The following ASIC2 variants were observed in gnomAD, a reference collection of about 807,000 sequenced individuals.
ASIC2 encodes acid-sensing ion channel 2.
Under a neutral mutation model 57.3 loss-of-function variants are expected in ASIC2, and 25 were observed. That is an observed-to-expected ratio of 0.44 (90% confidence interval 0.32 to 0.61). The LOEUF (loss-of-function observed/expected upper bound fraction) is 0.61, where lower values mean the gene tolerates loss of function less well. ASIC2 is among the 20% of genes least tolerant of loss of function. The pLI is 0.06. For missense variants in ASIC2, 641 were observed against 738.1 expected (o/e 0.87, Z 1.52); for synonymous variants, 319 against 307.5 (o/e 1.04, Z -0.39).
intron 1 of ASIC2, among the ~76,000 whole-genome samples, chr17:33,174,240 G>A (rs762218128): frequency 6.6e-5 from 10 of 152,012 alleles, no homozygotes; most frequent in Non-Finnish European, 1.5e-4. Flanking sequence ...TGACCAACAT[G>A]GTAAAACCCT....
intron 1 of ASIC2, among the ~76,000 whole-genome samples, chr17:33,814,584 G>A (rs556701908): frequency 6.6e-6 from 1 of 152,376 alleles, no homozygotes; most frequent in African/African-American, 2.4e-5. Context: ...GCAGCACTGT[G>A]CTTCTACATT....
chr17:33,436,509 C>A (rs1911613324), intron 1 of ASIC2, among the ~76,000 whole-genome samples: 1 of 152,110 alleles, frequency 6.6e-6, no homozygotes, highest in Admixed American at 6.5e-5. Flanking sequence ...GGTCCTGTGG[C>A]CTCCACCCAG....
chr17:33,024,944 T>C (rs2091852725), intron 5 of ASIC2, among the ~76,000 whole-genome samples: 1 of 152,196 alleles, frequency 6.6e-6, no homozygotes, highest in African/African-American at 2.4e-5. Context: ...AAGACTTCCT[T>C]ACCATTTTAA....
chr17:33,203,541 G>T (rs1043852500), intron 1 of ASIC2, among the ~76,000 whole-genome samples: 1 of 152,158 alleles, frequency 6.6e-6, no homozygotes, highest in Non-Finnish European at 1.5e-5. Context: ...GAAGCGCTGA[G>T]GCTGGAGTAT....
intron 3 of ASIC2, among the ~76,000 whole-genome samples, chr17:33,062,756 G>T (rs1196794626): frequency 6.6e-6 from 1 of 152,198 alleles, no homozygotes; most frequent in African/African-American, 2.4e-5. Context: ...AATGTGGACA[G>T]TGGGGTGTTA....
intron 1 of ASIC2, among the ~76,000 whole-genome samples, chr17:33,418,302 A>T (rs751923666): frequency 2.0e-5 from 3 of 152,104 alleles, no homozygotes; most frequent in Non-Finnish European, 4.4e-5. Flanking sequence ...TCCCTGTGCC[A>T]CTTGAAGTGT....
chr17:33,835,626 C>A (rs1338570673), intron 1 of ASIC2, among the ~76,000 whole-genome samples: 1 of 152,130 alleles, frequency 6.6e-6, no homozygotes, highest in African/African-American at 2.4e-5. Flanking sequence ...AATGTTAGAG[C>A]TGGAATCCAA....
intron 1 of ASIC2, among the ~76,000 whole-genome samples, chr17:33,800,403 A>G (rs991585358): frequency 3.3e-5 from 5 of 152,170 alleles, no homozygotes; most frequent in Admixed American, 2.6e-4. Flanking sequence ...TTTACCTTGC[A>G]TACACACCTG....
intron 1 of ASIC2, among the ~76,000 whole-genome samples, chr17:33,823,223 T>C (rs754390865): frequency 1.1e-4 from 16 of 152,212 alleles, no homozygotes; most frequent in Non-Finnish European, 2.4e-4. Flanking sequence ...TGGTAAATAG[T>C]GACAGGCAGG....
rs545348334 is a variant in ASIC2, at chr17:33,940,165, G to A, written c.555+215813C>T. Among the ~76,000 whole-genome samples, 25 of 152,306 alleles carry A rather than the reference G, an allele frequency of 1.6e-4. No homozygotes were observed. In the South Asian group the frequency reaches 3.1e-3, roughly 19 times the overall value. On this transcript the variant is annotated intron_variant, in intron 1 of 9. Transcript: ENST00000359872. ...CTAACTAGGCAGCGTGCCCAACTCC[G>A]AGGATCATAAGGTTTCTATTCCACT...
intron 1 of ASIC2, among the ~76,000 whole-genome samples, chr17:33,128,606 G>C (rs546793888): frequency 1.3e-5 from 2 of 152,310 alleles, no homozygotes; most frequent in South Asian, 4.1e-4. Flanking sequence ...GTTTTGGAGT[G>C]GGGGTGGCCC....
intron 1 of ASIC2, among the ~76,000 whole-genome samples, chr17:34,127,129 C>A (rs565100924): frequency 5.3e-5 from 8 of 152,212 alleles, no homozygotes; most frequent in Non-Finnish European, 8.8e-5. Flanking sequence ...CAACTCAAAT[C>A]AGCTTCAGTA....
chr17:33,315,662 C>T (rs1332985703), intron 1 of ASIC2, among the ~76,000 whole-genome samples: 2 of 152,182 alleles, frequency 1.3e-5, no homozygotes, highest in Non-Finnish European at 2.9e-5. Flanking sequence ...GCATTACATT[C>T]CCAAAGGAAT....
At chr17:34,140,155 G>A (rs1055688672) in intron 1 of ASIC2, among the ~76,000 whole-genome samples, 1 of 152,186 alleles carries the variant, frequency 6.6e-6, no homozygotes, top group Non-Finnish European at 1.5e-5. Context: ...GCACCAGAGC[G>A]AAGGAGAAGA....
intron 1 of ASIC2, among the ~76,000 whole-genome samples, chr17:33,722,655 TG>T (rs1909425099): frequency 6.6e-6 from 1 of 151,698 alleles, no homozygotes; most frequent in African/African-American, 2.4e-5. Context: ...CATAGATACT[TG>T]GGAGGCTGAC....
intron 1 of ASIC2, among the ~76,000 whole-genome samples, chr17:33,256,335 A>C (rs1362628649): frequency 6.6e-6 from 1 of 152,234 alleles, no homozygotes; most frequent in Non-Finnish European, 1.5e-5. Context: ...AAATGTGTAG[A>C]ATATGAGCCC....
rs557387879 is a variant in ASIC2 at position 33,776,710 on chromosome 17, C to T, written c.555+379268G>A. On this transcript the variant is annotated intron_variant, in intron 1 of 9. Coordinates refer to the ASIC2 transcript ENST00000359872. ...GTGCTGAGTGAGTTCCTGGTCTGGA[C>T]TCGGAGGCCTGAGCTCTACCGTGGC... is the stretch of plus-strand genomic sequence containing the variant. Among the ~76,000 whole-genome samples the T allele has an allele frequency of 2.8e-4, 43 of 152,292 alleles. No individual in the cohort carries two copies. In the South Asian group the frequency reaches 7.3e-3, roughly 26 times the overall value.
intron 1 of ASIC2, among the ~76,000 whole-genome samples, chr17:33,751,272 C>T (rs1910422800): frequency 1.3e-5 from 2 of 152,220 alleles, no homozygotes; most frequent in African/African-American, 4.8e-5. Flanking sequence ...TACAGATCTG[C>T]AGCCGCCCTG....
chr17:33,700,761 C>T (rs1057434157), intron 1 of ASIC2, among the ~76,000 whole-genome samples: 5 of 152,214 alleles, frequency 3.3e-5, no homozygotes, highest in African/African-American at 1.2e-4. Context: ...TAGTTCCCTT[C>T]AGACACAGCG....
Sources: allele counts gnomAD v4.1 joint callset (sites outside exome capture counted in the v4.1 genomes callset), GRCh38; gene constraint gnomAD v4.1.1; transcripts MANE v1.5; gene names NCBI Gene and HGNC (gene_info 2026-07-23, HGNC 2026-07-21).